The following PRKG1 variants were observed in gnomAD, a reference collection of about 807,000 sequenced individuals.
PRKG1 encodes the protein protein kinase cGMP-dependent 1, also known as cGMP-dependent protein kinase 1.
PRKG1 carries 35 observed loss-of-function variants against 88.1 expected under a neutral mutation model. The observed-to-expected ratio is 0.40, with a 90% CI of 0.30 to 0.53. The LOEUF (loss-of-function observed/expected upper bound fraction) is 0.53. Ranked by LOEUF, PRKG1 falls within the 20% of genes least tolerant of loss-of-function variation. The pLI, the probability that PRKG1 is intolerant of heterozygous loss-of-function variation, is 0.59. For missense variants in PRKG1, 540 were observed against 839.8 expected, an observed-to-expected ratio of 0.64 and a Z score of 4.41; for synonymous variants, 303 against 292.5, an observed-to-expected ratio of 1.04 and a Z score of -0.37.
At chr10:51,104,742 ATTTT>A (rs1339273143) in intron 1 of PRKG1, among the ~76,000 whole-genome samples, 15 of 141,690 alleles carry the variant, frequency 1.1e-4, no homozygotes, top group Non-Finnish European at 1.2e-4. Flanking sequence ...TTATTTATTT[ATTTT>A]GTGATGGAGT....
chr10:51,283,363 T>C (rs1306904702), intron 2 of PRKG1, among the ~76,000 whole-genome samples: 2 of 152,160 alleles, frequency 1.3e-5, no homozygotes, highest in East Asian at 1.9e-4. Flanking sequence ...TGTGTTACAT[T>C]GCCTGCAATT....
intron 2 of PRKG1, among the ~76,000 whole-genome samples, chr10:51,352,793 G>A (rs1165229697): frequency 6.6e-6 from 1 of 152,006 alleles, no homozygotes; most frequent in East Asian, 1.9e-4. Context: ...GAAATACCCA[G>A]AAGAGTCAAA....
chr10:51,475,760 A>T (rs551839444), intron 3 of PRKG1, among the ~76,000 whole-genome samples: 1 of 152,158 alleles, frequency 6.6e-6, no homozygotes, highest in South Asian at 2.1e-4. Context: ...GGGAAAAATT[A>T]AAAAATCATG....
chr10:51,000,591 A>G (rs1467903124), intron 1 of PRKG1, among the ~76,000 whole-genome samples: 1 of 152,222 alleles, frequency 6.6e-6, no homozygotes, highest in Non-Finnish European at 1.5e-5. Flanking sequence ...AATTGGTGGC[A>G]CCAGGGATGC....
chr10:51,208,152 AG>A (rs1838111658), intron 2 of PRKG1, among the ~76,000 whole-genome samples: 1 of 152,234 alleles, frequency 6.6e-6, no homozygotes, highest in African/African-American at 2.4e-5. Flanking sequence ...CTAAAGAAGT[AG>A]AAGGTACAGT....
intron 2 of PRKG1, among the ~76,000 whole-genome samples, chr10:51,184,241 A>G (rs1401033180): frequency 1.3e-5 from 2 of 152,308 alleles, no homozygotes; most frequent in African/African-American, 2.4e-5. Flanking sequence ...AACATTCACA[A>G]GATAAAAGTC....
chr10:51,047,163 G>A (rs529700326), intron 1 of PRKG1, among the ~76,000 whole-genome samples: 1 of 152,286 alleles, frequency 6.6e-6, no homozygotes, highest in East Asian at 1.9e-4. Context: ...ATCCAAAGGT[G>A]AGAGCCTCAA....
intron 7 of PRKG1, among the ~76,000 whole-genome samples, chr10:52,093,991 G>T (rs937830594): frequency 6.6e-6 from 1 of 152,116 alleles, no homozygotes; most frequent in Non-Finnish European, 1.5e-5. Flanking sequence ...AAATCAACTT[G>T]CTACTATTTC....
At chr10:51,751,443 G>C (rs769428761) in intron 3 of PRKG1, among the ~76,000 whole-genome samples, 1 of 152,116 alleles carries the variant, frequency 6.6e-6, no homozygotes, top group African/African-American at 2.4e-5. Context: ...GGCCAGGCAG[G>C]TCTTGAACTC....
Position 51,741,779 on chromosome 10 carries a change from G to A in PRKG1, c.593-62806G>A, listed in dbSNP as rs532916555. 1.4e-3 allele frequency among the ~76,000 whole-genome samples: 216 copies of A among 152,134 alleles called. 1 individual carries two copies. Among genetic ancestry groups the A allele is most frequent in the African/African-American group, 4.7e-3 (196 of 41,524 alleles). On this transcript the variant is annotated intron_variant, in intron 3 of 17. Transcript: ENST00000373980. Reference sequence around the variant, plus strand: ...CCTACGGTAAAAAATAAGGTTCTTCGCATTTACCTGTAACCCCAGAGTTTT... The same window carrying A: ...CCTACGGTAAAAAATAAGGTTCTTCACATTTACCTGTAACCCCAGAGTTTT...
intron 3 of PRKG1, among the ~76,000 whole-genome samples, chr10:51,734,196 C>A (rs1837201638): frequency 6.6e-6 from 1 of 151,938 alleles, no homozygotes; most frequent in Admixed American, 6.6e-5. Flanking sequence ...AATTTCATGT[C>A]CTGCCCTTAT....
At chr10:51,926,885 C>T (rs961801500) in intron 5 of PRKG1, among the ~76,000 whole-genome samples, 1 of 151,262 alleles carries the variant, frequency 6.6e-6, no homozygotes, top group Admixed American at 6.6e-5. Flanking sequence ...TGTAGTTCTA[C>T]CTGGTAATTG....
Position 51,197,864 on chromosome 10 carries a change from C to A in PRKG1, c.478+44534C>A, listed in dbSNP as rs183382019. 2.8e-4 allele frequency among the ~76,000 whole-genome samples: 41 copies of A among 146,948 alleles called. No individual in the cohort carries two copies. In the East Asian group the frequency reaches 8.8e-3, roughly 32 times the overall value. On this transcript the variant is annotated intron_variant, in intron 2 of 17. Transcript: ENST00000373980. Reference sequence around the variant, plus strand: ...TGCCATTAAAAGTAATTGCAGAAACCAGAATTACTTTTGCACCACCCTAAT... The same window carrying A: ...TGCCATTAAAAGTAATTGCAGAAACAAGAATTACTTTTGCACCACCCTAAT...
chr10:51,149,392 A>G (rs1846011256), intron 1 of PRKG1, among the ~76,000 whole-genome samples: 1 of 152,254 alleles, frequency 6.6e-6, no homozygotes, highest in South Asian at 2.1e-4. Flanking sequence ...AGAAGTAGGT[A>G]TATGTTTTCC....
At chr10:52,128,362 C>T (rs762680606) in intron 7 of PRKG1, 2 of 985,332 alleles carry the variant, frequency 2.0e-6, no homozygotes, top group African/African-American at 3.5e-5. Flanking sequence ...TGTGTTTGTT[C>T]CCCTGAGGTA....
chr10:51,603,874 T>A (rs1838682979), intron 3 of PRKG1, among the ~76,000 whole-genome samples: 1 of 152,160 alleles, frequency 6.6e-6, no homozygotes, highest in African/African-American at 2.4e-5. Flanking sequence ...ATACCTCTAC[T>A]CCTCTATTGT....
At chr10:51,425,958 A>T (rs1465818196) in intron 2 of PRKG1, among the ~76,000 whole-genome samples, 1 of 152,172 alleles carries the variant, frequency 6.6e-6, no homozygotes, top group Non-Finnish European at 1.5e-5. Flanking sequence ...TGGAGAAGGG[A>T]CCATCTTGTA....
intron 5 of PRKG1, among the ~76,000 whole-genome samples, chr10:52,006,226 C>G (rs887716693): frequency 2.0e-5 from 3 of 152,046 alleles, no homozygotes; most frequent in African/African-American, 7.3e-5. Context: ...AGCCAGAGCA[C>G]TTTCTTTCTT....
intron 5 of PRKG1, among the ~76,000 whole-genome samples, chr10:51,953,472 C>G (rs930482207): frequency 6.6e-6 from 1 of 152,098 alleles, no homozygotes; most frequent in African/African-American, 2.4e-5. Context: ...TCTACTTTGC[C>G]CTAATCCCTG....
Sources: gnomAD v4.1 joint callset for allele counts (sites outside exome capture counted in the v4.1 genomes callset) on GRCh38, gnomAD v4.1.1 for gene constraint, MANE v1.5 for transcripts, NCBI Gene and HGNC (gene_info 2026-07-23, HGNC 2026-07-21) for gene names.